Variants in MSTO1 observed in about 807,000 individuals in gnomAD.
The protein encoded by MSTO1 is misato mitochondrial distribution and morphology regulator 1.
Under a neutral mutation model 55.7 loss-of-function variants are expected in MSTO1, and 24 were observed. The ratio of observed to expected loss-of-function variants is 0.43; its 90% CI spans 0.31 to 0.61. The LOEUF (loss-of-function observed/expected upper bound fraction) is 0.61. Ranked by LOEUF, MSTO1 falls within the 20% of genes least tolerant of loss-of-function variation. MSTO1 has a pLI of 0.09. For missense variants in MSTO1, 363 were observed against 625.7 expected, an observed-to-expected ratio of 0.58 and a Z score of 4.48; for synonymous variants, 162 against 252.8, an observed-to-expected ratio of 0.64 and a Z score of 3.41.
Position 155,610,462 on chromosome 1 carries a change from C to T in MSTO1, c.122C>T (p.Pro41Leu). Residue 41 changes from proline (P) to leucine (L), a missense_variant, in exon 2 of 14, where the codon CCC (proline) becomes CTC (leucine). Coordinates refer to ENST00000245564, the MANE Select transcript of MSTO1 (RefSeq NM_018116.4). ...ALGRATDSKE[P>L]PGELCPDVLY... ...GGCCGAGCGACCGATTCCAAGGAGCCCCCGGGAGAGCTGTGCCCCGACGTC... is the reference window on the plus strand; with the variant it reads ...GGCCGAGCGACCGATTCCAAGGAGCTCCCGGGAGAGCTGTGCCCCGACGTC... The T allele has an allele frequency of 7.3e-6, 6 of 821,256 alleles. No individual in the cohort carries two copies. The highest frequency in any genetic ancestry group is 2.7e-5 in the East Asian group (1 of 37,176). The allele number at this position is 821,256 out of a possible 1,614,324, so 50.9% of individuals were successfully genotyped here. A position where few individuals can be genotyped will look rare whatever the true frequency, so the allele number is the denominator to read the frequency against.
At chr1:155,591,395 A>T in the MSTO1 span, 6 of 691,396 alleles carry the variant, frequency 8.7e-6, no homozygotes, top group Non-Finnish European at 1.5e-5. Flanking sequence ...CAGGATGTTC[A>T]TTCTGGAACT....
the MSTO1 span, among the ~76,000 whole-genome samples, chr1:155,585,392 G>A: frequency 6.6e-6 from 1 of 151,960 alleles, no homozygotes; most frequent in Admixed American, 6.6e-5. Flanking sequence ...GCGTGGTGGC[G>A]GGCACCTATA....
the MSTO1 span, among the ~76,000 whole-genome samples, chr1:155,566,671 A>AATG: frequency 6.6e-6 from 1 of 151,914 alleles, no homozygotes; most frequent in Non-Finnish European, 1.5e-5. Flanking sequence ...GCTGGAGTGC[A>AATG]ATGGCGTGAT....
the MSTO1 span, among the ~76,000 whole-genome samples, chr1:155,565,314 AAAAG>A: frequency 6.6e-5 from 10 of 151,990 alleles, no homozygotes; most frequent in South Asian, 2.1e-4. Flanking sequence ...AAAAAAAAGA[AAAAG>A]AAAAGAAATA....
the MSTO1 span, among the ~76,000 whole-genome samples, chr1:155,565,630 C>T: frequency 2.0e-5 from 3 of 152,086 alleles, no homozygotes; most frequent in Admixed American, 2.0e-4. Flanking sequence ...AAAAAAAATG[C>T]CTTTACTGGA....
At chr1:155,598,849 C>G in the MSTO1 span, 14 of 1,428,480 alleles carry the variant, frequency 9.8e-6, no homozygotes, top group Non-Finnish European at 4.9e-6. Flanking sequence ...CGGAAAAACA[C>G]TCGGTCTTTG....
At chr1:155,596,551 G>A in the MSTO1 span, among the ~76,000 whole-genome samples, 4 of 152,180 alleles carry the variant, frequency 2.6e-5, no homozygotes, top group Admixed American at 6.5e-5. Context: ...TTGGGATCCC[G>A]AGGTGGGAGG....
At chr1:155,578,908 C>T in the MSTO1 span, among the ~76,000 whole-genome samples, 1 of 150,840 alleles carries the variant, frequency 6.6e-6, no homozygotes, top group Non-Finnish European at 1.5e-5. Flanking sequence ...GGTGATCTGC[C>T]CACCTCGGCC....
Position 155,613,480 on chromosome 1 carries a change from A to C in MSTO1, c.1302A>C (p.Thr434=). Residue 434 remains threonine (T), a synonymous_variant, in exon 12 of 14, where the codon ACA becomes ACC. Coordinates refer to ENST00000245564, the MANE Select transcript of MSTO1 (RefSeq NM_018116.4). ...CTGGCAGCCAGCTCACCCCAGGGAC[A>C]CCTCCACCCTCTGCCCTTCATGCAT... The part of the protein sequence containing the change: ...ACHTSQLTPG[T]PPPSALHACT... 6.2e-6 allele frequency: 10 copies of C among 1,613,904 alleles called. No individual in the cohort carries two copies. The highest frequency in any genetic ancestry group is 8.5e-6 in the Non-Finnish European group (10 of 1,179,938).
chr1:155,568,758 T>C, the MSTO1 span, among the ~76,000 whole-genome samples: 1 of 152,140 alleles, frequency 6.6e-6, no homozygotes, highest in Non-Finnish European at 1.5e-5. Context: ...TTTTGTTTTG[T>C]TTTGTTTACG....
chr1:155,612,667 C>T (rs1674507805), intron 9 of MSTO1, 97 bp downstream of exon 9: 2 of 1,478,038 alleles, frequency 1.4e-6, no homozygotes, highest in East Asian at 2.3e-5. Context: ...TTCTTGAGGC[C>T]CGAGCTTGAA....
At chr1:155,606,269 G>A (rs1218083258), upstream of MSTO1, among the ~76,000 whole-genome samples, 1 of 135,602 alleles carries the variant, frequency 7.4e-6, no homozygotes, top group East Asian at 2.3e-4. Flanking sequence ...ATGTTGGCCA[G>A]GCTGGTCTCG....
Position 155,612,498 on chromosome 1 carries a change from C to T in MSTO1, c.894C>T (p.Cys298=), listed in dbSNP as rs761790970. The part of the protein sequence containing the change: ...VHLTAHSSLV[C]PLSLGGSLGL... ...TGACTGCTCACAGCTCTCTTGTCTGCCCCTTGTCCTTGGGTGGGAGCCTGG... is the reference window on the plus strand; with the variant it reads ...TGACTGCTCACAGCTCTCTTGTCTGTCCCTTGTCCTTGGGTGGGAGCCTGG... The change falls in exon 9 of 14, where the codon TGC becomes TGT. Residue 298 remains cysteine (C), a synonymous_variant. Coordinates refer to ENST00000245564, the MANE Select transcript of MSTO1 (RefSeq NM_018116.4). 4.3e-6 allele frequency: 7 copies of T among 1,614,050 alleles called. No homozygotes were observed. Among genetic ancestry groups the T allele is most frequent in the Non-Finnish European group, 5.9e-6 (7 of 1,180,004 alleles).
At chr1:155,608,445 C>T (rs1485425911), upstream of MSTO1, among the ~76,000 whole-genome samples, 2 of 151,852 alleles carry the variant, frequency 1.3e-5, no homozygotes, top group Non-Finnish European at 2.9e-5. Flanking sequence ...CTCACCAAAA[C>T]GTGGGAATAC....
At chr1:155,590,941 A>G in the MSTO1 span, 2 of 1,613,852 alleles carry the variant, frequency 1.2e-6, no homozygotes, top group Non-Finnish European at 1.7e-6. Flanking sequence ...CTTCTCCTCC[A>G]CACAGGTGGT....
At chr1:155,597,868 G>A in the MSTO1 span, among the ~76,000 whole-genome samples, 1 of 151,470 alleles carries the variant, frequency 6.6e-6, no homozygotes, top group Admixed American at 6.6e-5. Flanking sequence ...CCAGGCTGGA[G>A]TGCCGTGGCG....
chr1:155,565,126 GA>G, the MSTO1 span, among the ~76,000 whole-genome samples: 1,093 of 146,332 alleles, frequency 7.5e-3, 3 homozygotes, highest in Admixed American at 9.4e-3. Context: ...GTCTTAAAAA[GA>G]AAAAAAAAAT....
At chr1:155,596,439 C>A in the MSTO1 span, among the ~76,000 whole-genome samples, 2 of 152,088 alleles carry the variant, frequency 1.3e-5, no homozygotes. Context: ...TCATTTAGGC[C>A]ACCTTTATAT....
the MSTO1 span, among the ~76,000 whole-genome samples, chr1:155,589,629 C>T: frequency 6.6e-6 from 1 of 152,096 alleles, no homozygotes; most frequent in African/African-American, 2.4e-5. Flanking sequence ...GGCCTGAGAG[C>T]CCCTGGCAAA....
Sources: allele counts gnomAD v4.1 joint callset (sites outside exome capture counted in the v4.1 genomes callset), GRCh38; gene constraint gnomAD v4.1.1; transcripts MANE v1.5; gene names NCBI Gene and HGNC (gene_info 2026-07-23, HGNC 2026-07-21).